Variants in SPMIP2 observed in about 807,000 individuals in gnomAD.
SPMIP2 encodes sperm microtubule inner protein 2, also known as protein SPMIP2.
At chr4:158,937,070 G>T in the SPMIP2 span, among the ~76,000 whole-genome samples, 1 of 152,174 alleles carries the variant, frequency 6.6e-6, no homozygotes, top group Non-Finnish European at 1.5e-5. Context: ...CGTTTTAGAC[G>T]TATCATCATT....
At chr4:159,080,827 C>T in the SPMIP2 span, among the ~76,000 whole-genome samples, 5 of 149,980 alleles carry the variant, frequency 3.3e-5, no homozygotes, top group Non-Finnish European at 7.4e-5. Flanking sequence ...AGGTTCACGC[C>T]GTTCTCCTGC....
the SPMIP2 span, among the ~76,000 whole-genome samples, chr4:159,030,159 T>A: frequency 6.6e-6 from 1 of 152,176 alleles, no homozygotes; most frequent in South Asian, 2.1e-4. Flanking sequence ...ATGCCTGCAA[T>A]CCCAGCACTT....
the SPMIP2 span, among the ~76,000 whole-genome samples, chr4:158,899,941 G>A: frequency 2.0e-5 from 3 of 152,034 alleles, no homozygotes; most frequent in Non-Finnish European, 2.9e-5. Flanking sequence ...GTGATGTTAG[G>A]GTGTCGATTT....
the SPMIP2 span, among the ~76,000 whole-genome samples, chr4:159,060,886 A>G: frequency 6.6e-6 from 1 of 152,078 alleles, no homozygotes; most frequent in South Asian, 2.1e-4. Context: ...GAAGTTCAAG[A>G]CCAGTCTAGG....
At chr4:158,938,728 A>G in the SPMIP2 span, among the ~76,000 whole-genome samples, 5 of 152,366 alleles carry the variant, frequency 3.3e-5, no homozygotes, top group African/African-American at 1.2e-4. Flanking sequence ...GCAGAACAAC[A>G]TACTGCAAAA....
At chr4:159,077,728 T>C in the SPMIP2 span, among the ~76,000 whole-genome samples, 1 of 152,180 alleles carries the variant, frequency 6.6e-6, no homozygotes, top group Non-Finnish European at 1.5e-5. Context: ...TCGAACTCAG[T>C]GTTAAAGCAT....
chr4:158,928,043 C>T, the SPMIP2 span, among the ~76,000 whole-genome samples: 3 of 152,192 alleles, frequency 2.0e-5, no homozygotes, highest in Non-Finnish European at 4.4e-5. Flanking sequence ...CCCCCTGCTC[C>T]ACGGTGCCCA....
At chr4:158,922,914 T>C in the SPMIP2 span, among the ~76,000 whole-genome samples, 1 of 152,258 alleles carries the variant, frequency 6.6e-6, no homozygotes. Context: ...TTCATTCCTT[T>C]TTATGACCAA....
chr4:158,945,475 G>T, the SPMIP2 span, among the ~76,000 whole-genome samples: 1 of 152,164 alleles, frequency 6.6e-6, no homozygotes, highest in Admixed American at 6.5e-5. Context: ...TCAGAAAAGG[G>T]CATTTCCTTT....
At chr4:158,938,725 A>G in the SPMIP2 span, among the ~76,000 whole-genome samples, 1 of 152,250 alleles carries the variant, frequency 6.6e-6, no homozygotes, top group Non-Finnish European at 1.5e-5. Context: ...TGGGCAGAAC[A>G]ACATACTGCA....
At chr4:159,023,028 C>CAATAAAATAA in the SPMIP2 span, among the ~76,000 whole-genome samples, 87 of 137,402 alleles carry the variant, frequency 6.3e-4, no homozygotes, top group African/African-American at 2.1e-3. Flanking sequence ...GACTCCATCT[C>CAATAAAATAA]AATAAAATAA....
the SPMIP2 span, among the ~76,000 whole-genome samples, chr4:159,080,516 C>A: frequency 7.4e-4 from 112 of 152,112 alleles, no homozygotes; most frequent in South Asian, 0.023. Context: ...CCTCATTGAG[C>A]CCCTTAATTG....
At chr4:158,955,608 T>C in the SPMIP2 span, among the ~76,000 whole-genome samples, 1 of 152,122 alleles carries the variant, frequency 6.6e-6, no homozygotes, top group Non-Finnish European at 1.5e-5. Context: ...ATTTCACTAC[T>C]TTGGCCAGGC....
the SPMIP2 span, among the ~76,000 whole-genome samples, chr4:159,021,809 C>G: frequency 6.6e-6 from 1 of 152,182 alleles, no homozygotes; most frequent in Non-Finnish European, 1.5e-5. Flanking sequence ...ACAAAAGAAG[C>G]TGGCATTCCT....
chr4:159,023,041 TAAAATAAAATAAAATAAA>T, the SPMIP2 span, among the ~76,000 whole-genome samples: 2 of 52,086 alleles, frequency 3.8e-5, no homozygotes, highest in Non-Finnish European at 7.9e-5. Context: ...TAAAATAAAA[TAAAATAAAATAAAATAAA>T]ATAAAATAAA....
At chr4:158,985,565 C>T in the SPMIP2 span, among the ~76,000 whole-genome samples, 1 of 152,126 alleles carries the variant, frequency 6.6e-6, no homozygotes, top group Non-Finnish European at 1.5e-5. Flanking sequence ...CAGAAAAGGC[C>T]TTTGAAAAAA....
At chr4:158,963,193 C>A in the SPMIP2 span, among the ~76,000 whole-genome samples, 1 of 152,004 alleles carries the variant, frequency 6.6e-6, no homozygotes, top group South Asian at 2.1e-4. Flanking sequence ...AATACTAGAT[C>A]CCATTTGTTG....
the SPMIP2 span, among the ~76,000 whole-genome samples, chr4:158,911,580 C>CCT: frequency 0.71 from 106,998 of 151,710 alleles, 38,439 homozygotes; most frequent in East Asian, 0.95. Context: ...TCAAGTCCCC[C>CCT]GTTCCTAGCA....
chr4:158,970,704 T>G, the SPMIP2 span, among the ~76,000 whole-genome samples: 1 of 151,754 alleles, frequency 6.6e-6, no homozygotes, highest in Non-Finnish European at 1.5e-5. Context: ...GTGGTCATTC[T>G]CAGTGAATCT....
Sources: gnomAD v4.1 joint callset for allele counts (sites outside exome capture counted in the v4.1 genomes callset) on GRCh38, gnomAD v4.1.1 for gene constraint, MANE v1.5 for transcripts, NCBI Gene and HGNC (gene_info 2026-07-23, HGNC 2026-07-21) for gene names.